APBB2: variants seen among roughly 807,000 people sequenced by gnomAD.
APBB2 encodes the protein amyloid beta precursor protein binding family B member 2, also known as Fe65-like 1.
In APBB2, 38 loss-of-function variants were observed where a neutral mutation model predicts 82.5. That is an observed-to-expected ratio of 0.46 (90% CI 0.36 to 0.60). The LOEUF (loss-of-function observed/expected upper bound fraction) is 0.60, where lower values mean the gene tolerates loss of function less well. APBB2 is among the 20% of genes least tolerant of loss of function. APBB2 has a pLI of 0.00. For missense variants in APBB2, 772 were observed against 972.3 expected (o/e 0.79, Z 2.74); for synonymous variants, 341 against 368.2 (o/e 0.93, Z 0.85).
At chr4:40,890,258 T>C in intron 12 of APBB2, 106 bp downstream of exon 12, 1 of 1,422,632 alleles carries the variant, frequency 7.0e-7, no homozygotes, top group Non-Finnish European at 9.4e-7. Flanking sequence ...ATATAGAAGC[T>C]ACATGAGTTT....
At chr4:41,154,066 C>A (rs976597535) in intron 1 of APBB2, among the ~76,000 whole-genome samples, 1 of 152,160 alleles carries the variant, frequency 6.6e-6, no homozygotes, top group African/African-American at 2.4e-5. Context: ...CTTCACCACC[C>A]TTGATACATT....
intron 6 of APBB2, among the ~76,000 whole-genome samples, chr4:40,958,331 CAT>C (rs768590538): frequency 1.3e-4 from 20 of 152,280 alleles, no homozygotes; most frequent in Non-Finnish European, 2.5e-4. Context: ...TAGTATACAA[CAT>C]AGCACTACTG....
intron 4 of APBB2, among the ~76,000 whole-genome samples, chr4:41,038,607 A>G (rs1720163570): frequency 2.0e-5 from 3 of 152,194 alleles, no homozygotes; most frequent in African/African-American, 7.2e-5. Context: ...ACCACTGACA[A>G]TCTAAGACCC....
chr4:41,103,868 G>C (rs1473560606), intron 2 of APBB2, among the ~76,000 whole-genome samples: 1 of 152,146 alleles, frequency 6.6e-6, no homozygotes, highest in Non-Finnish European at 1.5e-5. Flanking sequence ...CTGGACCTCT[G>C]AAAGTGTTTT....
chr4:40,828,808 G>A (rs1016370081), intron 13 of APBB2, among the ~76,000 whole-genome samples: 9 of 152,226 alleles, frequency 5.9e-5, no homozygotes, highest in Non-Finnish European at 1.2e-4. Flanking sequence ...CATCCTGCAC[G>A]TCCCCATCGT....
At chr4:41,079,194 T>C (rs1736668364) in intron 3 of APBB2, among the ~76,000 whole-genome samples, 1 of 152,234 alleles carries the variant, frequency 6.6e-6, no homozygotes, top group Admixed American at 6.5e-5. Context: ...TTGTATGACC[T>C]TGGCTATGAA....
chr4:41,130,989 C>T (rs1303531369), intron 2 of APBB2, among the ~76,000 whole-genome samples: 3 of 152,128 alleles, frequency 2.0e-5, no homozygotes, highest in Admixed American at 6.5e-5. Flanking sequence ...AAAGAACAAG[C>T]GCCACCCCTT....
At chr4:41,090,526 A>G (rs968145837) in intron 3 of APBB2, among the ~76,000 whole-genome samples, 1 of 152,230 alleles carries the variant, frequency 6.6e-6, no homozygotes, top group Non-Finnish European at 1.5e-5. Flanking sequence ...GACATCAGAC[A>G]CTAGTCTGCT....
At chr4:41,033,369 C>G in intron 4 of APBB2, 65 bp from the exon 5 acceptor site, 4 of 1,109,490 alleles carry the variant, frequency 3.6e-6, no homozygotes, top group Non-Finnish European at 5.1e-6. Context: ...GAAAGAAAAG[C>G]ATAGCAGTGA....
chr4:41,069,524 A>G (rs1178723324), intron 3 of APBB2, among the ~76,000 whole-genome samples: 3 of 152,254 alleles, frequency 2.0e-5, no homozygotes, highest in Admixed American at 1.3e-4. Flanking sequence ...AACAAGATCC[A>G]GGCCATTTCT....
rs777910826 is a variant in APBB2 at position 40,832,013 on chromosome 4, T to TATACACACACACACACACACACACACAC, written c.1530-1437_1530-1436insGTGTGTGTGTGTGTGTGTGTGTGTGTAT. On this transcript the variant is annotated intron_variant, in intron 12 of 17. Coordinates refer to ENST00000508593, the MANE Select transcript of APBB2 (RefSeq NM_004307.2). The surrounding 1 kb of genome is among the most constrained non-coding windows in gnomAD (Gnocchi z 4.8). The stretch of plus-strand genomic sequence containing the variant: ...ACACATATTTATATATTTATTTATA[T>TATACACACACACACACACACACACACAC]ACACACACACACACACACACACACA... Among the ~76,000 whole-genome samples, 3 of 138,980 alleles carry TATACACACACACACACACACACACACAC rather than the reference T, an allele frequency of 2.2e-5. No individual in the cohort carries two copies. Among genetic ancestry groups the TATACACACACACACACACACACACACAC allele is most frequent in the Admixed American group, 7.3e-5 (1 of 13,672 alleles). The allele number at this position is 138,980 out of a possible 152,430, so 91.2% of individuals were successfully genotyped here. A position where few individuals can be genotyped will look rare whatever the true frequency, so the allele number is the denominator to read the frequency against.
intron 12 of APBB2, chr4:40,842,417 C>T (rs1411582104): frequency 2.4e-5 from 11 of 453,042 alleles, no homozygotes; most frequent in Non-Finnish European, 3.6e-5. Context: ...AGAAACAACA[C>T]GTTAGCATTC....
chr4:40,950,575 T>TG (rs1317543742), intron 6 of APBB2, among the ~76,000 whole-genome samples: 15 of 152,028 alleles, frequency 9.9e-5, no homozygotes, highest in African/African-American at 3.4e-4. Context: ...TGGCCGGGTG[T>TG]GGGGGCTCAC....
chr4:41,151,515 C>G (rs113480865), intron 1 of APBB2, among the ~76,000 whole-genome samples: 6,272 of 152,338 alleles, frequency 0.041, 145 homozygotes, highest in Middle Eastern at 0.058. Flanking sequence ...CCTGGAATCT[C>G]TCCTTCCGGA....
At chr4:41,196,910 G>T in intron 1 of APBB2, among the ~76,000 whole-genome samples, 3 of 152,098 alleles carry the variant, frequency 2.0e-5, no homozygotes, top group Non-Finnish European at 2.9e-5. Context: ...TCTGAACACA[G>T]CCCAAGTGAG....
chr4:40,841,497 T>A (rs1755793800), intron 12 of APBB2, among the ~76,000 whole-genome samples: 1 of 152,264 alleles, frequency 6.6e-6, no homozygotes, highest in South Asian at 2.1e-4. Context: ...AATCTCTTGT[T>A]TCATAGGTAT....
chr4:40,981,322 C>G (rs1798419847), intron 6 of APBB2, among the ~76,000 whole-genome samples: 1 of 151,702 alleles, frequency 6.6e-6, no homozygotes, highest in South Asian at 2.1e-4. Flanking sequence ...TGGAGGTTTA[C>G]AGTGAGCTGA....
chr4:40,915,432 C>T (rs769275553), intron 10 of APBB2, among the ~76,000 whole-genome samples: 14 of 152,288 alleles, frequency 9.2e-5, no homozygotes, highest in Non-Finnish European at 1.6e-4. Flanking sequence ...TCCTCAGCCC[C>T]GGAGCGCAGA....
intron 6 of APBB2, among the ~76,000 whole-genome samples, chr4:40,989,985 G>A (rs1158535868): frequency 6.6e-6 from 1 of 152,154 alleles, no homozygotes; most frequent in African/African-American, 2.4e-5. Context: ...CTTATAGAGA[G>A]GAGCCTTTTA....
Sources: allele counts gnomAD v4.1 joint callset (sites outside exome capture counted in the v4.1 genomes callset), GRCh38; gene constraint gnomAD v4.1.1; non-coding constraint Gnocchi (gnomAD v3.1); transcripts MANE v1.5; gene names NCBI Gene and HGNC (gene_info 2026-07-23, HGNC 2026-07-21).